The following GGA1 variants were observed in gnomAD, a reference collection of about 807,000 sequenced individuals.
The protein encoded by GGA1 is ADP-ribosylation factor-binding protein GGA1.
In GGA1, 18 loss-of-function variants were observed where a neutral mutation model predicts 76.9. That is an observed-to-expected ratio of 0.23 (90% CI 0.16 to 0.35). The LOEUF (loss-of-function observed/expected upper bound fraction) is 0.35, where lower values mean the gene tolerates loss of function less well. Among genes scored for constraint, GGA1 ranks in the 10% least tolerant of loss-of-function variants. The pLI is 1.00. For synonymous variants in GGA1, 342 were observed against 354.7 expected (o/e 0.96, Z 0.40); for missense variants, 755 against 859.0 (o/e 0.88, Z 1.51).
At position 37,630,919 on chromosome 22, in the gene GGA1, A is replaced by G. The variant is rs1601562212; in HGVS notation, c.1348A>G (p.Thr450Ala). ...QQVRWEKQQP[T>A]PRLTLRDLQN... Reference sequence around the variant, plus strand: ...CCGATTAAGGGAGAAGCAGCAGCCAACCCCCCGGCTCACACTCCGGGACCT... The same window carrying G: ...CCGATTAAGGGAGAAGCAGCAGCCAGCCCCCCGGCTCACACTCCGGGACCT... Residue 450 changes from threonine (T) to alanine (A), a missense_variant, in exon 14 of 17, where the codon ACC (threonine) becomes GCC (alanine). Coordinates refer to ENST00000343632, the MANE Select transcript of GGA1 (RefSeq NM_013365.5). 1.2e-6 allele frequency: 2 copies of G among 1,610,126 alleles called. No individual in the cohort carries two copies. The highest frequency in any genetic ancestry group is 1.3e-5 in the African/African-American group (1 of 74,586).
intron 1 of GGA1, chr22:37,609,408 C>G: frequency 1.2e-6 from 1 of 856,658 alleles, no homozygotes; most frequent in South Asian, 2.5e-5. Context: ...GGACCCACTG[C>G]CCCATTTGAT....
At chr22:37,618,142 A>C in intron 3 of GGA1, 1 of 252,668 alleles carries the variant, frequency 4.0e-6, no homozygotes, top group Non-Finnish European at 7.4e-6. Context: ...AAAAAAAAGG[A>C]AAAATAGTAA....
chr22:37,629,553 G>C, intron 12 of GGA1, 27 bp downstream of exon 12: 1 of 1,428,298 alleles, frequency 7.0e-7, no homozygotes, highest in Non-Finnish European at 9.6e-7. Flanking sequence ...AACTAGTCTG[G>C]CCTGTCCCAG....
At chr22:37,629,015 T>G (rs532794878) in intron 11 of GGA1, among the ~76,000 whole-genome samples, 4 of 152,310 alleles carry the variant, frequency 2.6e-5, no homozygotes, top group African/African-American at 9.6e-5. Context: ...GGGGACACTG[T>G]GGCTCAGCCA....
chr22:37,632,235 G>C lies in GGA1; in HGVS notation c.1698+70G>C, dbSNP rs1931950800. 2.0e-6 allele frequency: 3 copies of C among 1,495,308 alleles called. No individual in the cohort carries two copies. Among genetic ancestry groups the C allele is most frequent in the Non-Finnish European group, 1.8e-6 (2 of 1,085,774 alleles). 92.6% of individuals were successfully genotyped at this position (1,495,308 alleles called of 1,614,324 possible). A position where few individuals can be genotyped will look rare whatever the true frequency, so the allele number is the denominator to read the frequency against. ...AGGGTGACATGGAGCTGGGTGGGGA[G>C]CCACCTGTCAGGGGGCAGGTCTCCC... On this transcript the variant is annotated intron_variant, in intron 15 of 16. Coordinates refer to ENST00000343632, the MANE Select transcript of GGA1 (RefSeq NM_013365.5). This position sits in a 1 kb window ranked among gnomAD's most constrained non-coding sequence, Gnocchi z 5.1.
chr22:37,630,834 TTGGAATTACAGGGG>T (rs1931670682), intron 13 of GGA1, 55 bp from the exon 14 acceptor site: 1 of 1,128,156 alleles, frequency 8.9e-7, no homozygotes. Flanking sequence ...TCCCAAAGTG[TTGGAATTACAGGGG>T]TGAGCTACCA....
chr22:37,632,225 TG>T lies in GGA1; in HGVS notation c.1698+63del, dbSNP rs1931948207. 2 of 1,538,002 alleles carry T rather than the reference TG, an allele frequency of 1.3e-6. No homozygotes were observed. Among genetic ancestry groups the T allele is most frequent in the Non-Finnish European group, 8.9e-7 (1 of 1,121,864 alleles). Reference sequence around the variant, plus strand: ...CTCTCAAGGCAGGGTGACATGGAGCTGGGTGGGGAGCCACCTGTCAGGGGGC... The same window carrying T: ...CTCTCAAGGCAGGGTGACATGGAGCTGGTGGGGAGCCACCTGTCAGGGGGC... On this transcript the variant is annotated intron_variant, in intron 15 of 16. Coordinates refer to ENST00000343632, the MANE Select transcript of GGA1 (RefSeq NM_013365.5). The surrounding 1 kb of genome is among the most constrained non-coding windows in gnomAD (Gnocchi z 5.1).
rs374379848 is a variant in GGA1 at position 37,620,380 on chromosome 22, G to A, written c.427+19G>A. ...AAGCAGGGTGAGGCACACAGAGGGT[G>A]GGGGGCGACCAGGGCCTGCCTTCCC... On this transcript the variant is annotated intron_variant, in intron 5 of 16. Coordinates refer to ENST00000343632, the MANE Select transcript of GGA1 (RefSeq NM_013365.5). The A allele has an allele frequency of 1.6e-5, 26 of 1,613,186 alleles. No individual in the cohort carries two copies. The highest frequency in any genetic ancestry group is 8.3e-5 in the Admixed American group (5 of 59,970).
intron 6 of GGA1, among the ~76,000 whole-genome samples, chr22:37,621,120 T>C (rs11912554): frequency 0.017 from 2,581 of 152,224 alleles, 66 homozygotes; most frequent in African/African-American, 0.057. Context: ...TAAACAGGAG[T>C]GTGTCTGGTG....
chr22:37,630,015 GC>G lies in GGA1; in HGVS notation c.1181del (p.Pro394GlnfsTer30). The G allele has an allele frequency of 1.3e-6, 2 of 1,569,996 alleles. No individual in the cohort carries two copies. Among genetic ancestry groups the G allele is most frequent in the Non-Finnish European group, 1.7e-6 (2 of 1,157,866 alleles). ...CCCCACAGTCGTCGGATGCCACTGA[GC>G]CCCCAGCCCCTGCTCTGGCCCAGGC... Reference protein sequence around the residue: ...NSFQSSDATEPPAPALAQAPS... With the variant: ...NSFQSSDATEXPAPALAQAPS... On this transcript the variant is annotated frameshift_variant, in exon 13 of 17. Transcript: ENST00000343632. LOFTEE classifies it high-confidence loss of function.
intron 6 of GGA1, among the ~76,000 whole-genome samples, chr22:37,621,407 T>C (rs1290070312): frequency 6.6e-6 from 1 of 152,236 alleles, no homozygotes; most frequent in Non-Finnish European, 1.5e-5. Context: ...TTATTTCTGC[T>C]AGGCGCTGTG....
Position 37,608,848 on chromosome 22 carries a change from G to C in GGA1, c.-13G>C, listed in dbSNP as rs1017301884. The C allele has an allele frequency of 7.6e-7, 1 of 1,308,980 alleles. No individual in the cohort carries two copies. The highest frequency in any genetic ancestry group is 9.7e-7 in the Non-Finnish European group (1 of 1,030,706). 81.1% of individuals were successfully genotyped at this position (1,308,980 alleles called of 1,614,324 possible). A position where few individuals can be genotyped will look rare whatever the true frequency, so the allele number is the denominator to read the frequency against. On this transcript the variant is annotated 5_prime_UTR_variant, in exon 1 of 17. Transcript: ENST00000343632. ...GGCGGGGGGGCGGTGCCGAGGCTGG[G>C]GGCCGGTGGCGGATGGAGCCCGCGA...
chr22:37,617,287 G>A (rs551998583), intron 3 of GGA1: 9 of 1,313,696 alleles, frequency 6.9e-6, no homozygotes, highest in African/African-American at 3.1e-5. Flanking sequence ...TCCAGGAAGC[G>A]TGTTCAACAC....
In GGA1 at chr22:37,617,007, G is replaced by C. The variant is rs1928928709; in HGVS notation, c.204+10G>C. 6.3e-6 allele frequency: 10 copies of C among 1,597,800 alleles called. No homozygotes were observed. The highest frequency in any genetic ancestry group is 8.5e-6 in the Non-Finnish European group (10 of 1,172,252). ...GATCCAGGCCTTGACGGTGAGAAGGGGAGAGGCCACCATCCGTCCCCCGCC... is the reference window on the plus strand; with the variant it reads ...GATCCAGGCCTTGACGGTGAGAAGGCGAGAGGCCACCATCCGTCCCCCGCC... On this transcript the variant is annotated intron_variant, in intron 3 of 16. Coordinates refer to ENST00000343632, the MANE Select transcript of GGA1 (RefSeq NM_013365.5).
chr22:37,618,119 T>A (rs1929151214), intron 3 of GGA1: 1 of 193,744 alleles, frequency 5.2e-6, no homozygotes, highest in Non-Finnish European at 1.0e-5. Context: ...TGAAACTCTG[T>A]CTCAAAAAAA....
intron 2 of GGA1, among the ~76,000 whole-genome samples, chr22:37,615,124 CA>C (rs1357735358): frequency 6.6e-6 from 1 of 151,496 alleles, no homozygotes; most frequent in African/African-American, 2.4e-5. Flanking sequence ...CATAGCGGGG[CA>C]ACATAGCGAG....
Position 37,625,862 on chromosome 22 carries a change from G to A in GGA1, c.1006G>A (p.Ala336Thr), listed in dbSNP as rs775393467. The change falls in exon 11 of 17, where the codon GCT becomes ACT. Residue 336 changes from alanine (A) to threonine (T), a missense_variant. Physicochemically the swap from Ala to Thr is moderately conservative, Grantham distance 58. Coordinates refer to ENST00000343632, the MANE Select transcript of GGA1 (RefSeq NM_013365.5). This position sits in a 1 kb window ranked among gnomAD's most constrained non-coding sequence, Gnocchi z 4.1. Reference protein sequence around the residue: ...DLPPAGTTYPAMPTRPGEQAS... With the variant: ...DLPPAGTTYPTMPTRPGEQAS... ...CCCGCCTGCGGGCACCACCTACCCA[G>A]CTATGCCCACCCGCCCTGGCGAGCA... 4 of 1,612,046 alleles carry A rather than the reference G, an allele frequency of 2.5e-6. No homozygotes were observed. Among genetic ancestry groups the A allele is most frequent in the African/African-American group, 1.3e-5 (1 of 75,050 alleles).
rs2145960971 is a variant in GGA1, at chr22:37,624,811, G to A, written c.833-158G>A. ...GGTGGGAGGTGAGACCAGGGAGGTG[G>A]CGGAGGGCCAGAGTCTCAGCAGACG... is the stretch of plus-strand genomic sequence containing the variant. On this transcript the variant is annotated intron_variant, in intron 9 of 16. Coordinates refer to ENST00000343632, the MANE Select transcript of GGA1 (RefSeq NM_013365.5). The surrounding 1 kb of genome is among the most constrained non-coding windows in gnomAD (Gnocchi z 4.3). 3 of 969,692 alleles carry A rather than the reference G, an allele frequency of 3.1e-6. No homozygotes were observed. Among genetic ancestry groups the A allele is most frequent in the East Asian group, 5.5e-5 (2 of 36,372 alleles). 60.1% of individuals were successfully genotyped at this position (969,692 alleles called of 1,614,324 possible). A position where few individuals can be genotyped will look rare whatever the true frequency, so the allele number is the denominator to read the frequency against.
intron 2 of GGA1, 141 bp downstream of exon 2, chr22:37,614,415 A>C: frequency 1.5e-6 from 1 of 646,910 alleles, no homozygotes; most frequent in Non-Finnish European, 2.8e-6. Context: ...CTTGGCACTG[A>C]ATGCTGTTTG....
Sources: gnomAD v4.1 joint callset for allele counts (sites outside exome capture counted in the v4.1 genomes callset) on GRCh38, gnomAD v4.1.1 for gene constraint, Gnocchi (gnomAD v3.1) non-coding constraint, MANE v1.5 for transcripts, NCBI Gene and HGNC (gene_info 2026-07-23, HGNC 2026-07-21) for gene names.